SPATA21: variants seen among roughly 807,000 people sequenced by gnomAD.
The protein encoded by SPATA21 is spermatogenesis-associated protein 21.
In SPATA21, 47 loss-of-function variants were observed where a neutral mutation model predicts 54.8. The observed-to-expected ratio is 0.86, with a 90% CI of 0.68 to 1.09. The LOEUF is 1.09. Among genes scored for constraint, SPATA21 ranks in the 50% least tolerant of loss-of-function variants. The pLI, the probability that SPATA21 is intolerant of heterozygous loss-of-function variation, is 0.00. For missense variants in SPATA21, 599 were observed against 596.4 expected (o/e 1.00, Z -0.05); for synonymous variants, 245 against 235.3 (o/e 1.04, Z -0.38).
At chr1:16,399,254 A>G in intron 12 of SPATA21, 90 bp downstream of exon 12, 1 of 1,404,808 alleles carries the variant, frequency 7.1e-7, no homozygotes, top group Non-Finnish European at 9.6e-7. Flanking sequence ...ATGATCTCTT[A>G]GAAAGATGGA....
At position 16,430,377 on chromosome 1, in the gene SPATA21, G is replaced by A. The variant is rs2086429885; in HGVS notation, c.34+961C>T. Reference sequence around the variant, plus strand: ...AAGCCTGGGAGTTCGAGGCTGCAGTGAGTCGTGATCGCACCACTGCACTCC... The same window carrying A: ...AAGCCTGGGAGTTCGAGGCTGCAGTAAGTCGTGATCGCACCACTGCACTCC... On this transcript the variant is annotated intron_variant, in intron 3 of 12. Coordinates refer to ENST00000335496, the MANE Select transcript of SPATA21 (RefSeq NM_198546.1). 3.3e-5 allele frequency among the ~76,000 whole-genome samples: 5 copies of A among 152,178 alleles called. No individual in the cohort carries two copies. In the South Asian group the frequency reaches 1.0e-3, roughly 32 times the overall value.
At chr1:16,437,619 T>G (rs2086614538), upstream of SPATA21, among the ~76,000 whole-genome samples, 1 of 152,184 alleles carries the variant, frequency 6.6e-6, no homozygotes, top group African/African-American at 2.4e-5. Context: ...CAATGACTGC[T>G]TTTCTCTCTG....
chr1:16,423,766 A>G (rs948071568), intron 3 of SPATA21, among the ~76,000 whole-genome samples: 1 of 149,850 alleles, frequency 6.7e-6, no homozygotes, highest in African/African-American at 2.5e-5. Flanking sequence ...CTGGTCTTGA[A>G]CTCCTGACCT....
intron 1 of SPATA21, among the ~76,000 whole-genome samples, chr1:16,434,700 C>T (rs56367910): frequency 0.16 from 23,762 of 152,112 alleles, 2,060 homozygotes; most frequent in African/African-American, 0.23. Context: ...TATATAGGAA[C>T]GGAATTGCTG....
rs918013690 is a variant in SPATA21, at chr1:16,401,758, C to T, written c.1002-866G>A. Among the ~76,000 whole-genome samples, 21 of 152,270 alleles carry T rather than the reference C, an allele frequency of 1.4e-4. No individual in the cohort carries two copies. The South Asian group carries it at 1.7e-3, about 12-fold the overall frequency. On this transcript the variant is annotated intron_variant, in intron 10 of 12. Coordinates refer to ENST00000335496, the MANE Select transcript of SPATA21 (RefSeq NM_198546.1). The stretch of plus-strand genomic sequence containing the variant: ...CTACCCTACAGAGTAGCTAGGCTCC[C>T]GCTGGAGGCCCCCTGCAACCTGTAG...
chr1:16,416,446 G>C (rs1427694973), intron 5 of SPATA21, among the ~76,000 whole-genome samples: 4 of 152,142 alleles, frequency 2.6e-5, no homozygotes, highest in African/African-American at 4.8e-5. Flanking sequence ...GGGAAGCTGA[G>C]GCGGGTGGAT....
At chr1:16,403,881 G>A (rs1318463404) in intron 9 of SPATA21, 37 bp from the exon 10 acceptor site, 1 of 1,610,978 alleles carries the variant, frequency 6.2e-7, no homozygotes, top group Non-Finnish European at 8.5e-7. Context: ...TTACCACTGG[G>A]CAGTCCTGAA....
At position 16,428,083 on chromosome 1, in the gene SPATA21, C is replaced by T; in HGVS notation, c.34+3255G>A. On this transcript the variant is annotated intron_variant, in intron 3 of 12. Transcript: ENST00000335496. This position sits in a 1 kb window ranked among gnomAD's most constrained non-coding sequence, Gnocchi z 4.3. Reference sequence around the variant, plus strand: ...GAGTACCCGTTCTGGAGTGATCCCTCCCACTCCTCCCTGGGTACTCTTCTG... The same window carrying T: ...GAGTACCCGTTCTGGAGTGATCCCTTCCACTCCTCCCTGGGTACTCTTCTG... 6.7e-7 allele frequency: 1 copy of T among 1,491,040 alleles called. No individual in the cohort carries two copies. Among genetic ancestry groups the T allele is most frequent in the Non-Finnish European group, 9.0e-7 (1 of 1,105,880 alleles). 92.4% of individuals were successfully genotyped at this position (1,491,040 alleles called of 1,614,324 possible). A position where few individuals can be genotyped will look rare whatever the true frequency, so the allele number is the denominator to read the frequency against.
chr1:16,430,238 G>A (rs937632442), intron 3 of SPATA21, among the ~76,000 whole-genome samples: 3 of 151,880 alleles, frequency 2.0e-5, no homozygotes, highest in Non-Finnish European at 4.4e-5. Flanking sequence ...GACCAGCCTG[G>A]GCAACATGAT....
intron 5 of SPATA21, among the ~76,000 whole-genome samples, chr1:16,415,864 C>T (rs1452457233): frequency 6.6e-6 from 1 of 152,096 alleles, no homozygotes. Context: ...GGCCAAATGT[C>T]TCCTATTATT....
chr1:16,421,608 GC>G lies in SPATA21; in HGVS notation c.96-52del. 1.3e-6 allele frequency: 2 copies of G among 1,554,650 alleles called. No individual in the cohort carries two copies. The highest frequency in any genetic ancestry group is 1.8e-5 in the Admixed American group (1 of 54,510). ...GGGGGAAGCGCTCAGCTGAAGGTTT[GC>G]CCCCCTGCCCTCCCCTCTCAGCCCC... On this transcript the variant is annotated intron_variant, in intron 4 of 12. Coordinates refer to ENST00000335496, the MANE Select transcript of SPATA21 (RefSeq NM_198546.1). This position sits in a 1 kb window ranked among gnomAD's most constrained non-coding sequence, Gnocchi z 5.2.
At chr1:16,420,753 T>C (rs2086148835) in intron 5 of SPATA21, among the ~76,000 whole-genome samples, 1 of 152,018 alleles carries the variant, frequency 6.6e-6, no homozygotes, top group Non-Finnish European at 1.5e-5. Flanking sequence ...TCTTCTCATC[T>C]GATGCTTCTG....
At chr1:16,436,465 C>T (rs112138851) in intron 1 of SPATA21, among the ~76,000 whole-genome samples, 3,981 of 151,444 alleles carry the variant, frequency 0.026, 178 homozygotes, top group African/African-American at 0.092. Context: ...TTACAAATCA[C>T]CACTAAAGAA....
intron 11 of SPATA21, chr1:16,400,448 C>A: frequency 8.5e-7 from 1 of 1,174,028 alleles, no homozygotes. Flanking sequence ...ATCTCTACAG[C>A]TGTTCTTTCT....
At chr1:16,407,407 G>A (rs1416653221) in intron 7 of SPATA21, among the ~76,000 whole-genome samples, 3 of 152,130 alleles carry the variant, frequency 2.0e-5, no homozygotes, top group African/African-American at 7.2e-5. Context: ...GGGGCAGGGA[G>A]AGCTGCACTT....
chr1:16,409,589 G>T lies in SPATA21; in HGVS notation c.587+12C>A. On this transcript the variant is annotated intron_variant, in intron 6 of 12. Coordinates refer to ENST00000335496, the MANE Select transcript of SPATA21 (RefSeq NM_198546.1). This position sits in a 1 kb window ranked among gnomAD's most constrained non-coding sequence, Gnocchi z 4.1. Reference sequence around the variant, plus strand: ...TTTCAGGAGCGGGCGGGTGAGCAGCGGGGGCTCCTACCGCGCCTTGGCGTA... The same window carrying T: ...TTTCAGGAGCGGGCGGGTGAGCAGCTGGGGCTCCTACCGCGCCTTGGCGTA... The T allele has an allele frequency of 1.2e-6, 2 of 1,604,884 alleles. No homozygotes were observed.
chr1:16,408,531 C>G, intron 7 of SPATA21: 1 of 985,810 alleles, frequency 1.0e-6, no homozygotes, highest in Non-Finnish European at 1.2e-6. Flanking sequence ...GTCATTCTCT[C>G]AGAGAGGCAG....
downstream of SPATA21, chr1:16,396,291 G>A (rs948297972): frequency 2.0e-5 from 3 of 152,306 alleles, no homozygotes; most frequent in Non-Finnish European, 4.4e-5. Flanking sequence ...CCCCAGCTCA[G>A]TAACTATACC....
At chr1:16,426,018 G>T (rs2086308574) in intron 3 of SPATA21, among the ~76,000 whole-genome samples, 1 of 151,952 alleles carries the variant, frequency 6.6e-6, no homozygotes, top group South Asian at 2.1e-4. Context: ...AAAGTGCTGG[G>T]ATTAGAGGTA....
Sources: allele counts gnomAD v4.1 joint callset (sites outside exome capture counted in the v4.1 genomes callset), GRCh38; gene constraint gnomAD v4.1.1; non-coding constraint Gnocchi (gnomAD v3.1); transcripts MANE v1.5; gene names NCBI Gene and HGNC (gene_info 2026-07-23, HGNC 2026-07-21).